Variants in CCDC141 observed in about 807,000 individuals in gnomAD.
CCDC141 encodes the protein coiled-coil domain-containing protein 141.
A neutral mutation model predicts 181.0 loss-of-function variants in CCDC141; 168 were observed. The ratio of observed to expected loss-of-function variants is 0.93; its 90% CI spans 0.82 to 1.05. The LOEUF (loss-of-function observed/expected upper bound fraction) is 1.05. CCDC141 is among the 50% of genes least tolerant of loss of function. The pLI, the probability that CCDC141 is intolerant of heterozygous loss-of-function variation, is 0.00. For missense variants in CCDC141, 1,902 were observed against 1,788.5 expected (o/e 1.06, Z -1.14); for synonymous variants, 666 against 642.3 (o/e 1.04, Z -0.56).
rs1275508393 is a variant in CCDC141 at position 178,834,448 on chromosome 2, A to G, written c.4326-8T>C. On this transcript the variant is annotated splice_region_variant and splice_polypyrimidine_tract_variant and intron_variant, in intron 23 of 23. Coordinates refer to ENST00000443758, the MANE Select transcript of CCDC141 (RefSeq NM_173648.4). ...TTCTGGCCCTTCTTGTACCTGAAGC[A>G]GAGAGGCAGTTTTTAAAGTCAGGAT... 7.8e-6 allele frequency: 12 copies of G among 1,534,094 alleles called. No individual in the cohort carries two copies. Among genetic ancestry groups the G allele is most frequent in the Non-Finnish European group, 9.6e-6 (11 of 1,145,178 alleles).
intron 2 of CCDC141, among the ~76,000 whole-genome samples, chr2:179,010,359 A>T (rs972485078): frequency 4.6e-5 from 7 of 152,196 alleles, no homozygotes; most frequent in Non-Finnish European, 2.9e-5. Context: ...CAAGTTATCC[A>T]AAGTTAAGAC....
intron 5 of CCDC141, among the ~76,000 whole-genome samples, chr2:178,946,754 C>T (rs1689749452): frequency 6.6e-6 from 1 of 152,030 alleles, no homozygotes; most frequent in Non-Finnish European, 1.5e-5. Context: ...CTACTGACCT[C>T]ATCTTCTAGA....
At chr2:178,991,522 ACCAGAGGCTAGGAGG>A (rs1692053605) in intron 2 of CCDC141, among the ~76,000 whole-genome samples, 1 of 152,168 alleles carries the variant, frequency 6.6e-6, no homozygotes, top group Admixed American at 6.5e-5. Flanking sequence ...AATGATGGTT[ACCAGAGGCTAGGAGG>A]GTAAGAAGGA....
At chr2:178,915,300 C>T (rs1187935485) in intron 7 of CCDC141, among the ~76,000 whole-genome samples, 1 of 152,140 alleles carries the variant, frequency 6.6e-6, no homozygotes, top group Non-Finnish European at 1.5e-5. Flanking sequence ...GAGAAAATTA[C>T]TAAGTCTATT....
chr2:178,935,393 C>A (rs576884971), intron 6 of CCDC141, among the ~76,000 whole-genome samples: 1 of 152,106 alleles, frequency 6.6e-6, no homozygotes, highest in Non-Finnish European at 1.5e-5. Context: ...TCTGTTCCTG[C>A]ATTAGTTTGC....
At chr2:178,877,438 A>G (rs1686400854) in intron 12 of CCDC141, 1 of 152,554 alleles carries the variant, frequency 6.6e-6, no homozygotes, top group African/African-American at 2.4e-5. Flanking sequence ...TCTTTTAAGT[A>G]TCCTACAGGG....
At position 178,966,716 on chromosome 2, in the gene CCDC141, C is replaced by T. The variant is rs559702149; in HGVS notation, c.527-5233G>A. ...TCTCCTCCAAAGGATCAAAACTCCT[C>T]ACCAGCAAGGGAACAAAACTGGACG... On this transcript the variant is annotated intron_variant, in intron 4 of 23. Transcript: ENST00000443758. 2.6e-5 allele frequency among the ~76,000 whole-genome samples: 4 copies of T among 152,154 alleles called. No individual in the cohort carries two copies. The East Asian group carries it at 5.8e-4, about 22-fold the overall frequency.
At chr2:178,822,531 C>G in the CCDC141 span, among the ~76,000 whole-genome samples, 2 of 152,004 alleles carry the variant, frequency 1.3e-5, no homozygotes, top group Admixed American at 1.3e-4. Context: ...GCTCCCTTCT[C>G]TATGAATACA....
chr2:179,011,686 C>G (rs1428703442), intron 2 of CCDC141, among the ~76,000 whole-genome samples: 3 of 152,072 alleles, frequency 2.0e-5, no homozygotes, highest in Non-Finnish European at 4.4e-5. Context: ...TATTCAACAG[C>G]ACGTGGAACT....
rs1168665261 is a variant in CCDC141 at position 178,986,997 on chromosome 2, C to A, written c.226-8322G>T. 2.6e-5 allele frequency among the ~76,000 whole-genome samples: 4 copies of A among 151,934 alleles called. No individual in the cohort carries two copies. The East Asian group carries it at 7.7e-4, about 29-fold the overall frequency. On this transcript the variant is annotated intron_variant, in intron 2 of 23. Coordinates refer to ENST00000443758, the MANE Select transcript of CCDC141 (RefSeq NM_173648.4). ...CAGTTCATATGGAACCAAAAAAGAGCCCGCATCGCCAAGTCAATCCAAAGC... is the reference window on the plus strand; with the variant it reads ...CAGTTCATATGGAACCAAAAAAGAGACCGCATCGCCAAGTCAATCCAAAGC...
At chr2:178,908,928 A>G (rs1009529964) in intron 7 of CCDC141, among the ~76,000 whole-genome samples, 1 of 152,238 alleles carries the variant, frequency 6.6e-6, no homozygotes, top group Non-Finnish European at 1.5e-5. Context: ...ACTGGCTGTT[A>G]TTCTAAATCC....
chr2:178,917,883 A>G (rs531167823), intron 7 of CCDC141, among the ~76,000 whole-genome samples: 1 of 152,370 alleles, frequency 6.6e-6, no homozygotes, highest in South Asian at 2.1e-4. Flanking sequence ...AGGTGGAACA[A>G]TCAGGCTAAG....
intron 2 of CCDC141, among the ~76,000 whole-genome samples, chr2:178,999,638 T>C (rs776791623): frequency 6.2e-4 from 94 of 152,298 alleles, no homozygotes; most frequent in Non-Finnish European, 1.1e-3. Flanking sequence ...CTTATCCCTG[T>C]TGGCTGACTC....
At chr2:178,877,231 G>T (rs1462039672) in intron 12 of CCDC141, 1 of 152,150 alleles carries the variant, frequency 6.6e-6, no homozygotes, top group African/African-American at 2.4e-5. Context: ...TTTAATGTTG[G>T]AAGGACTTTC....
chr2:178,919,245 T>C (rs895232855), intron 6 of CCDC141, among the ~76,000 whole-genome samples: 1 of 152,242 alleles, frequency 6.6e-6, no homozygotes, highest in Non-Finnish European at 1.5e-5. Context: ...TGTTACTTTG[T>C]TATAGAAACT....
chr2:178,982,128 T>C lies in CCDC141; in HGVS notation c.226-3453A>G, dbSNP rs569335536. Among the ~76,000 whole-genome samples, 14 of 152,184 alleles carry C rather than the reference T, an allele frequency of 9.2e-5. No homozygotes were observed. In the East Asian group the frequency reaches 1.9e-3, roughly 21 times the overall value. On this transcript the variant is annotated intron_variant, in intron 2 of 23. Coordinates refer to ENST00000443758, the MANE Select transcript of CCDC141 (RefSeq NM_173648.4). ...GGTAATCTGAACAAGCCTATATCTATTAAAAAATTAAATCAATAATTAATA... is the reference window on the plus strand; with the variant it reads ...GGTAATCTGAACAAGCCTATATCTACTAAAAAATTAAATCAATAATTAATA...
chr2:179,026,605 AC>A (rs1486624134), intron 2 of CCDC141, among the ~76,000 whole-genome samples: 1 of 152,126 alleles, frequency 6.6e-6, no homozygotes, highest in Non-Finnish European at 1.5e-5. Flanking sequence ...CACACAGAGT[AC>A]CCCCAGCAGC....
In CCDC141 at chr2:178,892,906, T is replaced by C. The variant is rs143488758; in HGVS notation, c.1266-4238A>G. Reference sequence around the variant, plus strand: ...TCTGATTTGGAAGTAACACTGCTCATGTGCAGCCTGATTGGGTGGGAGAGG... The same window carrying C: ...TCTGATTTGGAAGTAACACTGCTCACGTGCAGCCTGATTGGGTGGGAGAGG... On this transcript the variant is annotated intron_variant, in intron 8 of 23. Coordinates refer to ENST00000443758, the MANE Select transcript of CCDC141 (RefSeq NM_173648.4). Among the ~76,000 whole-genome samples, 293 of 152,320 alleles carry C rather than the reference T, an allele frequency of 1.9e-3. 6 individuals carry two copies. In the South Asian group the frequency reaches 0.021, roughly 11 times the overall value.
At chr2:178,819,544 T>C in the CCDC141 span, among the ~76,000 whole-genome samples, 1 of 152,234 alleles carries the variant, frequency 6.6e-6, no homozygotes, top group African/African-American at 2.4e-5. Context: ...GTGTGTAATC[T>C]TGACCAAGCT....
Sources: allele counts gnomAD v4.1 joint callset (sites outside exome capture counted in the v4.1 genomes callset), GRCh38; gene constraint gnomAD v4.1.1; transcripts MANE v1.5; gene names NCBI Gene and HGNC (gene_info 2026-07-23, HGNC 2026-07-21).